The following NECTIN4 variants were observed in gnomAD, a reference collection of about 807,000 sequenced individuals.
NECTIN4 encodes the protein nectin cell adhesion molecule 4.
A neutral mutation model predicts 51.7 loss-of-function variants in NECTIN4; 19 were observed. That is an observed-to-expected ratio of 0.37 (90% CI 0.26 to 0.54). The LOEUF (loss-of-function observed/expected upper bound fraction) is 0.54. Ranked by LOEUF, NECTIN4 falls within the 20% of genes least tolerant of loss-of-function variation. The probability of loss-of-function intolerance (pLI) is 0.86; values close to 1 mark genes in which losing one functional copy is unlikely to be tolerated. For synonymous variants in NECTIN4, 283 were observed against 286.9 expected (o/e 0.99, Z 0.14); for missense variants, 619 against 662.4 (o/e 0.93, Z 0.72).
intron 1 of NECTIN4, 86 bp from the exon 2 acceptor site, chr1:161,080,035 T>G (rs1571153655): frequency 6.8e-7 from 1 of 1,473,838 alleles, no homozygotes; most frequent in Admixed American, 2.2e-5. Flanking sequence ...ACAGCAAAGG[T>G]GACCGGAACT....
At position 161,074,862 on chromosome 1, in the gene NECTIN4, C is replaced by T. The variant is rs982670891; in HGVS notation, c.852-103G>A. The stretch of plus-strand genomic sequence containing the variant: ...CCACCCTCCACCCCCATGACGTCAC[C>T]CAGAGCCGCAGGCTGTTCCCACGGT... On this transcript the variant is annotated intron_variant, in intron 4 of 8. Transcript: ENST00000368012. 6 of 1,306,886 alleles carry T rather than the reference C, an allele frequency of 4.6e-6. No homozygotes were observed. The Admixed American group carries it at 1.2e-4, about 27-fold the overall frequency. The allele number at this position is 1,306,886 out of a possible 1,614,324, so 81.0% of individuals were successfully genotyped here. A position where few individuals can be genotyped will look rare whatever the true frequency, so the allele number is the denominator to read the frequency against.
At chr1:161,080,467 A>C (rs989278237) in intron 1 of NECTIN4, among the ~76,000 whole-genome samples, 9 of 152,204 alleles carry the variant, frequency 5.9e-5, no homozygotes, top group African/African-American at 2.2e-4. Flanking sequence ...TGGTGTCTGG[A>C]ATGGGGCACA....
At position 161,075,955 on chromosome 1, in the gene NECTIN4, A is replaced by C. The variant is rs550445119; in HGVS notation, c.851+400T>G. Among the ~76,000 whole-genome samples the C allele has an allele frequency of 1.6e-4, 24 of 152,192 alleles. 1 individual carries two copies. In the South Asian group the frequency reaches 4.3e-3, roughly 28 times the overall value. On this transcript the variant is annotated intron_variant, in intron 4 of 8. Transcript: ENST00000368012. ...GCTGGGGTTGGTGGCGCGCACCTGTAATCCCAGCTACTCAGGAGGCTGAGG... is the reference window on the plus strand; with the variant it reads ...GCTGGGGTTGGTGGCGCGCACCTGTCATCCCAGCTACTCAGGAGGCTGAGG...
Position 161,072,723 on chromosome 1 carries a change from T to C in NECTIN4, c.1471A>G (p.Thr491Ala). 6.2e-7 allele frequency: 1 copy of C among 1,614,152 alleles called. No individual in the cohort carries two copies. Among genetic ancestry groups the C allele is most frequent in the Non-Finnish European group, 8.5e-7 (1 of 1,180,028 alleles). Reference sequence around the variant, plus strand: ...TTGCCCGTGGGCTTGGCCCGTAGGGTCCCATTCTCCTGAACAAAATGGTTC... The same window carrying C: ...TTGCCCGTGGGCTTGGCCCGTAGGGCCCCATTCTCCTGAACAAAATGGTTC... ...AMNHFVQENG[T>A]LRAKPTGNGI... The change falls in exon 9 of 9, where the codon ACC (threonine) becomes GCC (alanine). Residue 491 changes from threonine (T) to alanine (A), a missense_variant. Thr to Ala is a moderately conservative substitution (Grantham distance 58, BLOSUM62 0). Transcript: ENST00000368012.
intron 1 of NECTIN4, chr1:161,084,583 G>A (rs1366848927): frequency 2.2e-4 from 34 of 152,178 alleles, no homozygotes; most frequent in Admixed American, 2.2e-3. Flanking sequence ...CCCTCCAGGT[G>A]ATGGGAACTT....
intron 1 of NECTIN4, among the ~76,000 whole-genome samples, chr1:161,082,374 G>A (rs968817730): frequency 6.6e-6 from 1 of 152,044 alleles, no homozygotes; most frequent in African/African-American, 2.4e-5. Context: ...GGCTGGCCAG[G>A]GAGGAACATT....
In NECTIN4 at chr1:161,074,554, G is replaced by A. The variant is rs781450310; in HGVS notation, c.1000+57C>T. The A allele has an allele frequency of 3.7e-6, 6 of 1,604,776 alleles. No homozygotes were observed. In the Admixed American group the frequency reaches 1.0e-4, roughly 27 times the overall value. On this transcript the variant is annotated intron_variant, in intron 5 of 8. Transcript: ENST00000368012. Reference sequence around the variant, plus strand: ...CACTGTCTCTGTCTTGCTTCCTGCTGCCCCCACCAAGCCCTTGGCCCAGGT... The same window carrying A: ...CACTGTCTCTGTCTTGCTTCCTGCTACCCCCACCAAGCCCTTGGCCCAGGT...
At chr1:161,080,892 A>G (rs1653652236) in intron 1 of NECTIN4, among the ~76,000 whole-genome samples, 1 of 152,250 alleles carries the variant, frequency 6.6e-6, no homozygotes, top group Admixed American at 6.5e-5. Flanking sequence ...ATATGGAGAC[A>G]CATATGGAAA....
intron 2 of NECTIN4, 141 bp downstream of exon 2, chr1:161,079,449 G>A (rs921761796): frequency 2.6e-6 from 3 of 1,134,502 alleles, no homozygotes; most frequent in Non-Finnish European, 2.5e-6. Context: ...AGGATAGCTA[G>A]CTGGATGAAG....
intron 1 of NECTIN4, among the ~76,000 whole-genome samples, chr1:161,085,492 C>T (rs1653901883): frequency 6.6e-6 from 1 of 152,088 alleles, no homozygotes; most frequent in Admixed American, 6.5e-5. Context: ...CAGCTCTGCC[C>T]CATCCCAAAT....
At chr1:161,075,907 C>T (rs1031925554) in intron 4 of NECTIN4, among the ~76,000 whole-genome samples, 1 of 152,068 alleles carries the variant, frequency 6.6e-6, no homozygotes, top group Non-Finnish European at 1.5e-5. Flanking sequence ...AAAACCCCAT[C>T]TCTACTAAAA....
At chr1:161,077,963 A>G (rs1001376365) in intron 2 of NECTIN4, among the ~76,000 whole-genome samples, 2 of 152,252 alleles carry the variant, frequency 1.3e-5, no homozygotes, top group Non-Finnish European at 2.9e-5. Context: ...AAAAAATAAA[A>G]TAATGAAGTA....
At position 161,077,471 on chromosome 1, in the gene NECTIN4, G is replaced by A. The variant is rs1423159929; in HGVS notation, c.712C>T (p.His238Tyr). 6.2e-7 allele frequency: 1 copy of A among 1,614,108 alleles called. No individual in the cohort carries two copies. The change falls in exon 3 of 9, where the codon CAC (histidine) becomes TAC (tyrosine). Residue 238 changes from histidine (H) to tyrosine (Y), a missense_variant. Around this residue, in one of 3 missense-constraint regions of NECTIN4, gnomAD observed 364 missense variants for 415.7 expected, o/e 0.88. Coordinates refer to ENST00000368012, the MANE Select transcript of NECTIN4 (RefSeq NM_030916.3). ...TACTTACAGGACACGTGGAGGATGT[G>A]GGTGATCCTTTGGTCCTGGAGCAGG... is the stretch of plus-strand genomic sequence containing the variant. The part of the protein sequence containing the change: ...PGLLQDQRIT[H>Y]ILHVSFLAEA...
At chr1:161,073,154 G>T in intron 8 of NECTIN4, 71 bp downstream of exon 8, 1 of 1,360,196 alleles carries the variant, frequency 7.4e-7, no homozygotes, top group Non-Finnish European at 1.1e-6. Context: ...GGCTGCTGAC[G>T]CACCATATCT....
chr1:161,073,858 C>G (rs753907847), intron 6 of NECTIN4, 63 bp from the exon 7 acceptor site: 6 of 1,458,830 alleles, frequency 4.1e-6, no homozygotes, highest in Non-Finnish European at 5.8e-6. Context: ...GTGAGCCTAT[C>G]CTGGCTGAGC....
intron 1 of NECTIN4, among the ~76,000 whole-genome samples, chr1:161,085,710 T>C (rs1483872277): frequency 6.6e-6 from 1 of 151,202 alleles, no homozygotes; most frequent in East Asian, 1.9e-4. Context: ...TTTTTTTTTT[T>C]TTTTTTGACA....
intron 1 of NECTIN4, among the ~76,000 whole-genome samples, chr1:161,082,471 G>C (rs935411589): frequency 6.6e-6 from 1 of 152,024 alleles, no homozygotes. Flanking sequence ...ACTGGACAGA[G>C]GAAAAAAATA....
At chr1:161,072,940 G>T in intron 8 of NECTIN4, 55 bp from the exon 9 acceptor site, 1 of 1,519,296 alleles carries the variant, frequency 6.6e-7, no homozygotes, top group Non-Finnish European at 9.0e-7. Context: ...AGCTGCACAT[G>T]GTGGGGCATG....
At chr1:161,074,521 T>A in intron 5 of NECTIN4, 90 bp downstream of exon 5, 2 of 1,585,262 alleles carry the variant, frequency 1.3e-6, no homozygotes, top group African/African-American at 2.7e-5. Flanking sequence ...ATAAACACTT[T>A]CCCAATTCAC....
Sources: allele counts gnomAD v4.1 joint callset (sites outside exome capture counted in the v4.1 genomes callset), GRCh38; gene constraint gnomAD v4.1.1; regional missense constraint gnomAD v4.1.1; transcripts MANE v1.5; gene names NCBI Gene and HGNC (gene_info 2026-07-23, HGNC 2026-07-21).